OR13A1: variants seen among roughly 807,000 people sequenced by gnomAD.
OR13A1 encodes olfactory receptor family 13 subfamily A member 1, also known as olfactory receptor 13A1.
Under a neutral mutation model 7.5 loss-of-function variants are expected in OR13A1, and 10 were observed. That is an observed-to-expected ratio of 1.34 (90% confidence interval 0.83 to 2.27). The LOEUF (loss-of-function observed/expected upper bound fraction) is 2.27. Among genes scored for constraint, OR13A1 ranks in the 30% most tolerant of loss-of-function variants. The probability of loss-of-function intolerance (pLI) is 0.00; values close to 1 mark genes in which losing one functional copy is unlikely to be tolerated. For synonymous variants in OR13A1, 238 were observed against 177.9 expected (o/e 1.34, Z -2.69); for missense variants, 509 against 419.1 (o/e 1.21, Z -1.87).
At chr10:45,306,461 A>G (rs1247438645) in intron 3 of OR13A1, among the ~76,000 whole-genome samples, 1 of 152,220 alleles carries the variant, frequency 6.6e-6, no homozygotes, top group Non-Finnish European at 1.5e-5. Context: ...TCAAAAAAAA[A>G]AAAAAAAGTT....
At chr10:45,313,675 AT>A (rs1169671936) in intron 1 of OR13A1, among the ~76,000 whole-genome samples, 1 of 152,172 alleles carries the variant, frequency 6.6e-6, no homozygotes, top group East Asian at 1.9e-4. Flanking sequence ...AGACAAAAAA[AT>A]GGATATTATA....
intron 1 of OR13A1, among the ~76,000 whole-genome samples, chr10:45,310,418 C>A (rs1273172737): frequency 6.6e-6 from 1 of 152,176 alleles, no homozygotes; most frequent in East Asian, 1.9e-4. Context: ...GTTGCCATAA[C>A]CTCTACATTT....
chr10:45,304,119 T>A lies in OR13A1; in HGVS notation c.304A>T (p.Ser102Cys), dbSNP rs1310951540. Residue 102 changes from serine (S) to cysteine (C), a missense_variant, in exon 4 of 4, where the codon AGT becomes TGT. Coordinates refer to ENST00000553795, the MANE Select transcript of OR13A1 (RefSeq NM_001004297.3). Reference sequence around the variant, plus strand: ...ATGGAGCTCTCTTCCGACACCAGACTGGCCAGCGCCTTGGGCATGATGGAA... The same window carrying A: ...ATGGAGCTCTCTTCCGACACCAGACAGGCCAGCGCCTTGGGCATGATGGAA... ...TSSIMPKALA[S>C]LVSEESSISY... 1.9e-6 allele frequency: 3 copies of A among 1,614,056 alleles called. No individual in the cohort carries two copies. Among genetic ancestry groups the A allele is most frequent in the Non-Finnish European group, 2.5e-6 (3 of 1,180,034 alleles).
chr10:45,314,432 A>C (rs1838492299), intron 1 of OR13A1, among the ~76,000 whole-genome samples: 1 of 151,038 alleles, frequency 6.6e-6, no homozygotes, highest in South Asian at 2.1e-4. Context: ...CCCCATCTCC[A>C]CAACTTAAGA....
intron 1 of OR13A1, among the ~76,000 whole-genome samples, chr10:45,309,587 G>T (rs1348691962): frequency 6.6e-6 from 1 of 152,028 alleles, no homozygotes; most frequent in Non-Finnish European, 1.5e-5. Flanking sequence ...TGTGACTTTG[G>T]GTGACTGCGC....
intron 2 of OR13A1, 54 bp from the exon 3 acceptor site, chr10:45,307,621 A>T (rs887212570): frequency 6.6e-6 from 1 of 152,244 alleles, no homozygotes; most frequent in Non-Finnish European, 1.5e-5. Context: ...ATTTGCTTCA[A>T]TTCTCAGCCA....
chr10:45,312,043 G>A (rs908951557), intron 1 of OR13A1, among the ~76,000 whole-genome samples: 6 of 151,990 alleles, frequency 3.9e-5, no homozygotes, highest in African/African-American at 1.4e-4. Context: ...TTAGGGAAAA[G>A]TATAATAAAC....
rs548749406 is a variant in OR13A1, at chr10:45,303,890, G to A, written c.533C>T (p.Thr178Met). The A allele has an allele frequency of 2.6e-5, 42 of 1,613,408 alleles. No individual in the cohort carries two copies. Among genetic ancestry groups the A allele is most frequent in the South Asian group, 3.3e-5 (3 of 91,090 alleles). ...LLCAVNTAIH[T>M]GLMLRLDFCG... ...GAAATCCAAGCGCAGCATCAGCCCC[G>A]TGTGGATGGCCGTGTTGACGGCGCA... The change falls in exon 4 of 4, where the codon ACG becomes ATG. Residue 178 changes from threonine to methionine, a missense_variant. Thr to Met is a moderately conservative substitution (Grantham distance 81). Coordinates refer to ENST00000553795, the MANE Select transcript of OR13A1 (RefSeq NM_001004297.3).
rs1348458233 is a variant in OR13A1, at chr10:45,304,213, G to A, written c.210C>T (p.Asn70=). The A allele has an allele frequency of 6.2e-7, 1 of 1,614,208 alleles. No homozygotes were observed. The highest frequency in any genetic ancestry group is 2.2e-5 in the East Asian group (1 of 44,880). ...AGTACATAGGAGCGTGGAGCCCAGG[G>A]TTGAACGTGATGGCCAAGGTGATGA... ...NVLITLAITF[N]PGLHAPMYFF... is the part of the protein sequence containing the mutation. Residue 70 remains asparagine (N), a synonymous_variant, in exon 4 of 4, where the codon AAC becomes AAT. Transcript: ENST00000553795.
Position 45,303,145 on chromosome 10 carries a change from A to T in OR13A1, c.*291T>A, listed in dbSNP as rs1564532035. 5.7e-6 allele frequency: 2 copies of T among 352,358 alleles called. No individual in the cohort carries two copies. Among genetic ancestry groups the T allele is most frequent in the South Asian group, 1.5e-4 (2 of 13,000 alleles). 21.8% of individuals were successfully genotyped at this position (352,358 alleles called of 1,614,324 possible). On this transcript the variant is annotated 3_prime_UTR_variant, in exon 4 of 4. Transcript: ENST00000553795. Reference sequence around the variant, plus strand: ...AAATGTTTGATGTGGCTATGAGTTGAAAACACAAGGAACACTTTTCTCCTC... The same window carrying T: ...AAATGTTTGATGTGGCTATGAGTTGTAAACACAAGGAACACTTTTCTCCTC...
intron 3 of OR13A1, among the ~76,000 whole-genome samples, chr10:45,305,912 C>T (rs1487210051): frequency 1.3e-5 from 2 of 152,206 alleles, no homozygotes; most frequent in Non-Finnish European, 2.9e-5. Flanking sequence ...GGTTACTGGA[C>T]TGTGCCCTAA....
rs140010563 is a variant in OR13A1, at chr10:45,314,948, G to A, written c.-225+576C>T. Among the ~76,000 whole-genome samples, 30 of 152,186 alleles carry A rather than the reference G, an allele frequency of 2.0e-4. 2 individuals carry two copies. The highest frequency in any genetic ancestry group is 2.6e-4 in the African/African-American group (11 of 41,538). On this transcript the variant is annotated intron_variant, in intron 1 of 3. Transcript: ENST00000553795. ...TCCAAACAAACAACAGCCCAGAACC[G>A]GATGACTACCAAACATTTAAGGAAG...
chr10:45,307,908 G>A (rs1419505214), intron 1 of OR13A1, 100 bp from the exon 2 acceptor site: 5 of 152,102 alleles, frequency 3.3e-5, no homozygotes, highest in Admixed American at 3.3e-4. Flanking sequence ...TAATTTCATT[G>A]AGTATTTTCT....
rs1350701679 is a variant in OR13A1, at chr10:45,303,073, G to T, written c.*363C>A. The T allele has an allele frequency of 1.1e-5, 2 of 181,706 alleles. No homozygotes were observed. Among genetic ancestry groups the T allele is most frequent in the Admixed American group, 1.1e-4 (2 of 17,726 alleles). The allele number at this position is 181,706 out of a possible 1,614,324, so 11.3% of individuals were successfully genotyped here. A position where few individuals can be genotyped will look rare whatever the true frequency, so the allele number is the denominator to read the frequency against. On this transcript the variant is annotated 3_prime_UTR_variant, in exon 4 of 4. Coordinates refer to ENST00000553795, the MANE Select transcript of OR13A1 (RefSeq NM_001004297.3). ...TTTAGACCCACACAGCTGAATTCTAGGTGTGATTTTAGAATTTACACCCTG... is the reference window on the plus strand; with the variant it reads ...TTTAGACCCACACAGCTGAATTCTATGTGTGATTTTAGAATTTACACCCTG...
At chr10:45,308,392 T>A (rs989471771) in intron 1 of OR13A1, among the ~76,000 whole-genome samples, 3 of 152,192 alleles carry the variant, frequency 2.0e-5, no homozygotes, top group Non-Finnish European at 2.9e-5. Context: ...GTTGCCTCCA[T>A]AAATCCAGCC....
intron 3 of OR13A1, among the ~76,000 whole-genome samples, chr10:45,306,391 T>C (rs1273628426): frequency 6.6e-6 from 1 of 151,220 alleles, no homozygotes; most frequent in East Asian, 1.9e-4. Flanking sequence ...AGGCGGAGCT[T>C]GCAGTGAGCC....
At position 45,304,242 on chromosome 10, in the gene OR13A1, C is replaced by T. The variant is rs1838281335; in HGVS notation, c.181G>A (p.Val61Ile). The part of the protein sequence containing the change: ...FLYSGALTGN[V>I]LITLAITFNP... ...AACGTGATGGCCAAGGTGATGAGGA[C>T]ATTACCTGTGAGGGCCCCAGAGTAG... Residue 61 changes from valine to isoleucine, a missense_variant, in exon 4 of 4, where the codon GTC (valine) becomes ATC (isoleucine). By Grantham distance (29) the Val-to-Ile change is conservative (BLOSUM62 3). Coordinates refer to ENST00000553795, the MANE Select transcript of OR13A1 (RefSeq NM_001004297.3). The T allele has an allele frequency of 1.2e-6, 2 of 1,614,166 alleles. No individual in the cohort carries two copies. The highest frequency in any genetic ancestry group is 1.7e-5 in the Admixed American group (1 of 60,024).
In OR13A1 at chr10:45,303,266, C is replaced by A; in HGVS notation, c.*170G>T. ...TCAGAGGCTGGTGGGTCACACCTACCGCAATCCCCCCATCACCAAGTCTCA... is the reference window on the plus strand; with the variant it reads ...TCAGAGGCTGGTGGGTCACACCTACAGCAATCCCCCCATCACCAAGTCTCA... On this transcript the variant is annotated 3_prime_UTR_variant, in exon 4 of 4. Transcript: ENST00000553795. The A allele has an allele frequency of 1.4e-6, 1 of 699,436 alleles. No individual in the cohort carries two copies. The highest frequency in any genetic ancestry group is 2.4e-6 in the Non-Finnish European group (1 of 417,884). The allele number at this position is 699,436 out of a possible 1,614,324, so 43.3% of individuals were successfully genotyped here.
chr10:45,309,436 C>T (rs1182255493), intron 1 of OR13A1, among the ~76,000 whole-genome samples: 2 of 152,046 alleles, frequency 1.3e-5, no homozygotes, highest in Non-Finnish European at 2.9e-5. Context: ...CAAACCTTCC[C>T]TGACTCCCTG....
Sources: allele counts gnomAD v4.1 joint callset (sites outside exome capture counted in the v4.1 genomes callset), GRCh38; gene constraint gnomAD v4.1.1; transcripts MANE v1.5; gene names NCBI Gene and HGNC (gene_info 2026-07-23, HGNC 2026-07-21).